CEP112: variants seen among roughly 807,000 people sequenced by gnomAD.
CEP112 encodes centrosomal protein of 112 kDa.
CEP112 carries 127 observed loss-of-function variants against 153.0 expected under a neutral mutation model. The observed-to-expected ratio is 0.83, with a 90% CI of 0.72 to 0.96. CEP112 has a LOEUF of 0.96. Among genes scored for constraint, CEP112 ranks in the 40% least tolerant of loss-of-function variants. The pLI, the probability that CEP112 is intolerant of heterozygous loss-of-function variation, is 0.00. For missense variants in CEP112, 1,089 were observed against 1,101.2 expected (o/e 0.99, Z 0.16); for synonymous variants, 358 against 374.4 (o/e 0.96, Z 0.51).
At chr17:66,063,676 CT>C (rs921347118) in intron 10 of CEP112, among the ~76,000 whole-genome samples, 1 of 152,034 alleles carries the variant, frequency 6.6e-6, no homozygotes, top group Admixed American at 6.6e-5. Flanking sequence ...GTAAAGAGGC[CT>C]TTCACTGGTG....
At chr17:65,884,702 GTTTC>G (rs1445764855) in intron 20 of CEP112, among the ~76,000 whole-genome samples, 1 of 100,870 alleles carries the variant, frequency 9.9e-6, no homozygotes, top group East Asian at 2.4e-4. Flanking sequence ...TTAGTTTGTA[GTTTC>G]TTTTTTTTTT....
At chr17:66,014,752 C>G (rs1390809498) in intron 16 of CEP112, among the ~76,000 whole-genome samples, 1 of 152,190 alleles carries the variant, frequency 6.6e-6, no homozygotes, top group Non-Finnish European at 1.5e-5. Flanking sequence ...ATGCAGGATT[C>G]CCAGCTTCCT....
At position 65,750,686 on chromosome 17, in the gene CEP112, AGT is replaced by A. The variant is rs1469778870; in HGVS notation, c.2431_2432del (p.Thr811SerfsTer39). On this transcript the variant is annotated frameshift_variant, in exon 22 of 27. Transcript: ENST00000535342. LOFTEE classifies it high-confidence loss of function. ...SKLKQIEKEY[T>X]QKLAKSSQII... is the part of the protein sequence containing the mutation. Reference sequence around the variant, plus strand: ...CCTGTGAAGATTTGGCAAGCTTCTGAGTGTATTCCTTCTCAATCTGCTTCAGC... The same window carrying A: ...CCTGTGAAGATTTGGCAAGCTTCTGAGTATTCCTTCTCAATCTGCTTCAGC... 10 of 1,613,844 alleles carry A rather than the reference AGT, an allele frequency of 6.2e-6. No homozygotes were observed.
intron 8 of CEP112, among the ~76,000 whole-genome samples, chr17:66,088,714 C>T (rs1465464352): frequency 6.6e-6 from 1 of 152,270 alleles, no homozygotes; most frequent in Non-Finnish European, 1.5e-5. Flanking sequence ...AGGGTCTAGA[C>T]CTGACTAACA....
In CEP112 at chr17:66,183,284, C is replaced by T. The variant is rs1439305415; in HGVS notation, c.16G>A (p.Glu6Lys). The T allele has an allele frequency of 1.2e-6, 2 of 1,610,440 alleles. No individual in the cohort carries two copies. Among genetic ancestry groups the T allele is most frequent in the Non-Finnish European group, 1.7e-6 (2 of 1,177,834 alleles). MEVGS[E>K]EEKWEKLDAE... Reference sequence around the variant, plus strand: ...TCCAGCTTCTCCCATTTTTCTTCTTCACTTCCCACTTCCATAATCCAATCT... The same window carrying T: ...TCCAGCTTCTCCCATTTTTCTTCTTTACTTCCCACTTCCATAATCCAATCT... Residue 6 changes from glutamate to lysine, a missense_variant, in exon 2 of 27, where the codon GAA (glutamate) becomes AAA (lysine). Glu to Lys is a moderately conservative substitution (Grantham distance 56). Transcript: ENST00000535342.
chr17:66,084,385 A>G (rs893951843), intron 8 of CEP112, among the ~76,000 whole-genome samples: 1 of 152,250 alleles, frequency 6.6e-6, no homozygotes, highest in African/African-American at 2.4e-5. Context: ...CACTAATAAC[A>G]ATAGTGAAGA....
intron 22 of CEP112, among the ~76,000 whole-genome samples, chr17:65,749,901 C>T (rs1419195079): frequency 1.4e-5 from 2 of 146,930 alleles, no homozygotes; most frequent in African/African-American, 2.5e-5. Flanking sequence ...TTTTAACAAT[C>T]ATTAGATATG....
chr17:66,179,637 G>A (rs1368726249), intron 2 of CEP112, among the ~76,000 whole-genome samples: 2 of 152,076 alleles, frequency 1.3e-5, no homozygotes, highest in Non-Finnish European at 2.9e-5. Context: ...CTTTAAACAA[G>A]CATAATTTGA....
chr17:65,842,110 G>C (rs1391005723), intron 21 of CEP112, among the ~76,000 whole-genome samples: 2 of 151,552 alleles, frequency 1.3e-5, no homozygotes, highest in African/African-American at 2.4e-5. Context: ...TTTCATCACA[G>C]GGCATCCAAA....
At chr17:65,923,795 TCTAA>T (rs2060818693) in intron 19 of CEP112, among the ~76,000 whole-genome samples, 2 of 152,152 alleles carry the variant, frequency 1.3e-5, no homozygotes, top group African/African-American at 4.8e-5. Context: ...AATTTACATA[TCTAA>T]CTTTGAGACA....
At chr17:66,057,793 ACACAG>A (rs1568441789) in intron 11 of CEP112, among the ~76,000 whole-genome samples, 1,751 of 147,686 alleles carry the variant, frequency 0.012, 35 homozygotes, top group African/African-American at 0.042. Context: ...ACACACACAC[ACACAG>A]CCTTCAGTGA....
chr17:65,753,776 C>T (rs977594104), intron 21 of CEP112, among the ~76,000 whole-genome samples: 2 of 152,134 alleles, frequency 1.3e-5, no homozygotes, highest in African/African-American at 4.8e-5. Flanking sequence ...AAAATATTCA[C>T]CCACTAGAAA....
At chr17:65,908,436 C>T (rs1159840605) in intron 19 of CEP112, among the ~76,000 whole-genome samples, 1 of 152,184 alleles carries the variant, frequency 6.6e-6, no homozygotes, top group African/African-American at 2.4e-5. Context: ...TGGCTCACGC[C>T]TGTAATCCCA....
At chr17:65,806,017 T>C (rs915973092) in intron 21 of CEP112, among the ~76,000 whole-genome samples, 1 of 152,352 alleles carries the variant, frequency 6.6e-6, no homozygotes, top group East Asian at 1.9e-4. Context: ...TCCTATTCTG[T>C]TTCCAGAGGG....
chr17:65,777,722 T>A (rs2053764269), intron 21 of CEP112, among the ~76,000 whole-genome samples: 3 of 152,196 alleles, frequency 2.0e-5, no homozygotes, highest in Non-Finnish European at 4.4e-5. Context: ...TCAAACCTTT[T>A]ATTTTAGTTT....
At chr17:65,717,853 C>A (rs2049624365) in intron 23 of CEP112, among the ~76,000 whole-genome samples, 1 of 152,088 alleles carries the variant, frequency 6.6e-6, no homozygotes, top group South Asian at 2.1e-4. Flanking sequence ...ATAAGCAACA[C>A]AAAAGCAGGG....
intron 17 of CEP112, among the ~76,000 whole-genome samples, chr17:66,001,141 G>A (rs942501301): frequency 3.9e-5 from 6 of 152,150 alleles, no homozygotes; most frequent in South Asian, 2.1e-4. Flanking sequence ...ACTCTGGAGC[G>A]TCACCCGGCC....
At chr17:66,030,682 A>AT (rs1207270142) in intron 12 of CEP112, among the ~76,000 whole-genome samples, 1 of 152,140 alleles carries the variant, frequency 6.6e-6, no homozygotes, top group Non-Finnish European at 1.5e-5. Flanking sequence ...TTTATTTAGA[A>AT]TTTTTCCCCT....
intron 20 of CEP112, among the ~76,000 whole-genome samples, chr17:65,886,858 G>GA (rs940448280): frequency 5.3e-5 from 8 of 152,040 alleles, no homozygotes; most frequent in African/African-American, 1.7e-4. Context: ...TTGCTTAGGG[G>GA]AAAAAAATGC....
Sources: gnomAD v4.1 joint callset for allele counts (sites outside exome capture counted in the v4.1 genomes callset) on GRCh38, gnomAD v4.1.1 for gene constraint, MANE v1.5 for transcripts, NCBI Gene and HGNC (gene_info 2026-07-23, HGNC 2026-07-21) for gene names.